The following CPXM1 variants were observed in gnomAD, a reference collection of about 807,000 sequenced individuals.
CPXM1 encodes probable carboxypeptidase X1.
A neutral mutation model predicts 80.4 loss-of-function variants in CPXM1; 72 were observed. The observed-to-expected ratio is 0.90, with a 90% confidence interval of 0.74 to 1.09. The LOEUF is 1.09. CPXM1 is among the 50% of genes least tolerant of loss of function. CPXM1 has a pLI of 0.00. For missense variants in CPXM1, 892 were observed against 999.4 expected, an observed-to-expected ratio of 0.89 and a Z score of 1.45; for synonymous variants, 403 against 405.6, an observed-to-expected ratio of 0.99 and a Z score of 0.08.
At chr20:2,797,483 A>C in intron 5 of CPXM1, 141 bp from the exon 6 acceptor site, 2 of 954,460 alleles carry the variant, frequency 2.1e-6, no homozygotes, top group Non-Finnish European at 3.0e-6. Flanking sequence ...TGCATCAAAC[A>C]CAGACCCCGG....
At position 2,795,596 on chromosome 20, in the gene CPXM1, T is replaced by TA. The variant is rs2088496616; in HGVS notation, c.1720+2dup. ...AGGGCTAACTCCACCCTCAGGCACA[T>TA]ACTCCCGGGGACCGTGTGCCAGTCA... is the stretch of plus-strand genomic sequence containing the variant. On this transcript the variant is annotated splice_region_variant and intron_variant, in intron 11 of 13. Transcript: ENST00000380605. This position sits in a 1 kb window ranked among gnomAD's most constrained non-coding sequence, Gnocchi z 5.4. The TA allele has an allele frequency of 1.2e-6, 2 of 1,611,664 alleles. No homozygotes were observed. The highest frequency in any genetic ancestry group is 1.7e-6 in the Non-Finnish European group (2 of 1,178,038).
chr20:2,795,397 G>A lies in CPXM1; in HGVS notation c.1740C>T (p.Tyr580=). ...TGACCTCAAAGCAGTTGGTGTGTAGGTAGCTGAAGTCATTCATGCCTAAGG... is the reference window on the plus strand; with the variant it reads ...TGACCTCAAAGCAGTTGGTGTGTAGATAGCTGAAGTCATTCATGCCTAAGG... ...TVPGSMNDFS[Y]LHTNCFEVTV... The change falls in exon 12 of 14, where the codon TAC becomes TAT. Residue 580 remains tyrosine (Y), a synonymous_variant. Coordinates refer to ENST00000380605, the MANE Select transcript of CPXM1 (RefSeq NM_019609.5). The surrounding 1 kb of genome is among the most constrained non-coding windows in gnomAD (Gnocchi z 5.4). 7 of 1,614,148 alleles carry A rather than the reference G, an allele frequency of 4.3e-6. No homozygotes were observed. The highest frequency in any genetic ancestry group is 5.9e-6 in the Non-Finnish European group (7 of 1,180,008).
chr20:2,795,261 G>A lies in CPXM1; in HGVS notation c.1860+16C>T, dbSNP rs151104845. On this transcript the variant is annotated intron_variant, in intron 12 of 13. Coordinates refer to ENST00000380605, the MANE Select transcript of CPXM1 (RefSeq NM_019609.5). This position sits in a 1 kb window ranked among gnomAD's most constrained non-coding sequence, Gnocchi z 5.4. ...GAGTGATTCAGGCAGGCTGGGGGCCGGGACGCAGATCCGACCTGCTCCAGG... is the reference window on the plus strand; with the variant it reads ...GAGTGATTCAGGCAGGCTGGGGGCCAGGACGCAGATCCGACCTGCTCCAGG... 932 of 1,610,954 alleles carry A rather than the reference G, an allele frequency of 5.8e-4. 4 individuals carry two copies. Among genetic ancestry groups the A allele is most frequent in the Middle Eastern group, 4.4e-3 (24 of 5,430 alleles).
In CPXM1 at chr20:2,796,413, A is replaced by T. The variant is rs1343753883; in HGVS notation, c.1076T>A (p.Met359Lys). 6.2e-7 allele frequency: 1 copy of T among 1,614,084 alleles called. No individual in the cohort carries two copies. The highest frequency in any genetic ancestry group is 1.7e-5 in the Admixed American group (1 of 60,022). ...GEPEVRYVAG[M>K]HGNEALGREL... ...CCGCCCCAGGGCCTCGTTCCCATGC[A>T]TGCCAGCCACGTAGCGCACCTCAGG... The change falls in exon 9 of 14, where the codon ATG becomes AAG. Residue 359 changes from methionine to lysine, a missense_variant. Around this residue, in one of 2 missense-constraint regions of CPXM1, gnomAD observed 874 missense variants for 958.4 expected, o/e 0.91. Transcript: ENST00000380605. This position sits in a 1 kb window ranked among gnomAD's most constrained non-coding sequence, Gnocchi z 6.8.
chr20:2,794,111 A>T lies in CPXM1; in HGVS notation c.*79T>A. ...TAGCTTTAATGAGCACCTTTTCCTC[A>T]CTTTGTCCCTCCCTCTCTACTCTTC... On this transcript the variant is annotated 3_prime_UTR_variant, in exon 14 of 14. Transcript: ENST00000380605. The surrounding 1 kb of genome is among the most constrained non-coding windows in gnomAD (Gnocchi z 5.2). 6.6e-7 allele frequency: 1 copy of T among 1,512,104 alleles called. No individual in the cohort carries two copies. Among genetic ancestry groups the T allele is most frequent in the Non-Finnish European group, 8.9e-7 (1 of 1,129,648 alleles). The allele number at this position is 1,512,104 out of a possible 1,614,324, so 93.7% of individuals were successfully genotyped here. A position where few individuals can be genotyped will look rare whatever the true frequency, so the allele number is the denominator to read the frequency against.
rs772034058 is a variant in CPXM1 at position 2,800,522 on chromosome 20, C to T, written c.51G>A (p.Pro17=). ...CCGAGTTCCTGGGCGCCCCCAGAGC[C>T]GGGCCGACGGCCGGCGCGAAGGCGG... ...ALAAFAPAVG[P]ALGAPRNSVL... is the part of the protein sequence containing the mutation. Residue 17 remains proline, a synonymous_variant, in exon 1 of 14, where the codon CCG becomes CCA. Coordinates refer to ENST00000380605, the MANE Select transcript of CPXM1 (RefSeq NM_019609.5). 7.3e-6 allele frequency: 10 copies of T among 1,361,244 alleles called. No homozygotes were observed. Among genetic ancestry groups the T allele is most frequent in the African/African-American group, 1.5e-5 (1 of 65,046 alleles). The allele number at this position is 1,361,244 out of a possible 1,614,324, so 84.3% of individuals were successfully genotyped here.
chr20:2,794,288 T>TG lies in CPXM1; in HGVS notation c.2106_2107insC (p.Thr703HisfsTer38). ...AGCTCGCGCAGCCTCTGTTTGGGAG[T>TG]CTTGGTGAGCACGAAATTGCAGGGG... On this transcript the variant is annotated frameshift_variant, in exon 14 of 14. Transcript: ENST00000380605. LOFTEE classifies it high-confidence loss of function. The surrounding 1 kb of genome is among the most constrained non-coding windows in gnomAD (Gnocchi z 5.2). 1 of 1,613,870 alleles carries TG rather than the reference T, an allele frequency of 6.2e-7. No individual in the cohort carries two copies. Among genetic ancestry groups the TG allele is most frequent in the South Asian group, 1.1e-5 (1 of 91,054 alleles).
chr20:2,797,426 G>T, intron 5 of CPXM1, 84 bp from the exon 6 acceptor site: 1 of 1,392,988 alleles, frequency 7.2e-7, no homozygotes, highest in Non-Finnish European at 9.4e-7. Flanking sequence ...AGGCCTCCAA[G>T]CTTACTGTCT....
In CPXM1 at chr20:2,798,211, G is replaced by C. The variant is rs149725071; in HGVS notation, c.531C>G (p.Asp177Glu). The change falls in exon 4 of 14, where the codon GAC (aspartate) becomes GAG (glutamate). Residue 177 changes from aspartate to glutamate, a missense_variant. Transcript: ENST00000380605. The part of the protein sequence containing the change: ...EQDADPWFQV[D>E]AGHPTRFSGV... ...CCGAGAAGCGGGTGGGGTGCCCAGC[G>C]TCCACCTGAAACCATGGATCGGCGT... The C allele has an allele frequency of 3.0e-5, 49 of 1,613,858 alleles. No individual in the cohort carries two copies. In the East Asian group the frequency reaches 5.8e-4, roughly 19 times the overall value.
In CPXM1 at chr20:2,795,743, C is replaced by T. The variant is rs766944887; in HGVS notation, c.1576G>A (p.Asp526Asn). ...GTGCTGAGCCAGCGAAACACAGCAT[C>T]ATCTGGTGTGGGCGTGAGCTCGCGG... ...AARELTPTPDDAVFRWLSTVY... is the reference protein window; with the variant it reads ...AARELTPTPDNAVFRWLSTVY... The change falls in exon 11 of 14, where the codon GAT becomes AAT. Residue 526 changes from aspartate to asparagine, a missense_variant. Physicochemically the swap from Asp to Asn is conservative, Grantham distance 23. Around this residue, in one of 2 missense-constraint regions of CPXM1, gnomAD observed 874 missense variants for 958.4 expected, o/e 0.91. Transcript: ENST00000380605. This position sits in a 1 kb window ranked among gnomAD's most constrained non-coding sequence, Gnocchi z 5.4. The T allele has an allele frequency of 1.6e-5, 26 of 1,613,774 alleles. No individual in the cohort carries two copies. The South Asian group carries it at 2.7e-4, about 17-fold the overall frequency.
rs11480908 is a variant in CPXM1 at position 2,794,779 on chromosome 20, G to GAAAA, written c.1861-144_1861-141dup. On this transcript the variant is annotated intron_variant, in intron 12 of 13. Coordinates refer to ENST00000380605, the MANE Select transcript of CPXM1 (RefSeq NM_019609.5). This position sits in a 1 kb window ranked among gnomAD's most constrained non-coding sequence, Gnocchi z 5.2. ...TTCCTAGGTGACACTACTTCTGGAA[G>GAAAA]AAAAAAAAAAAAGAAATCCTGATTG... 3 of 509,362 alleles carry GAAAA rather than the reference G, an allele frequency of 5.9e-6. No individual in the cohort carries two copies. The highest frequency in any genetic ancestry group is 2.0e-5 in the African/African-American group (1 of 49,240). 31.6% of individuals were successfully genotyped at this position (509,362 alleles called of 1,614,324 possible). A position where few individuals can be genotyped will look rare whatever the true frequency, so the allele number is the denominator to read the frequency against.
intron 1 of CPXM1, among the ~76,000 whole-genome samples, chr20:2,799,428 C>T (rs1047918042): frequency 6.6e-6 from 1 of 152,324 alleles, no homozygotes; most frequent in East Asian, 1.9e-4. Context: ...GAATCCATGT[C>T]TGCCTGGGTG....
At position 2,795,979 on chromosome 20, in the gene CPXM1, C is replaced by A; in HGVS notation, c.1422+3G>T. 1 of 1,604,532 alleles carries A rather than the reference C, an allele frequency of 6.2e-7. No homozygotes were observed. Among genetic ancestry groups the A allele is most frequent in the Non-Finnish European group, 8.5e-7 (1 of 1,174,224 alleles). On this transcript the variant is annotated splice_donor_region_variant and intron_variant, in intron 10 of 13. Transcript: ENST00000380605. This position sits in a 1 kb window ranked among gnomAD's most constrained non-coding sequence, Gnocchi z 5.4. ...CCTCCACTGCCGCCCTCAAAATACT[C>A]ACGGTGGCATTGGGCAGGGTGTAGT...
In CPXM1 at chr20:2,798,213, C is replaced by A; in HGVS notation, c.529G>T (p.Asp177Tyr). ...GAGAAGCGGGTGGGGTGCCCAGCGTCCACCTGAAACCATGGATCGGCGTCC... is the reference window on the plus strand; with the variant it reads ...GAGAAGCGGGTGGGGTGCCCAGCGTACACCTGAAACCATGGATCGGCGTCC... ...EQDADPWFQV[D>Y]AGHPTRFSGV... Residue 177 changes from aspartate to tyrosine, a missense_variant, in exon 4 of 14, where the codon GAC (aspartate) becomes TAC (tyrosine). Around this residue, in one of 2 missense-constraint regions of CPXM1, gnomAD observed 874 missense variants for 958.4 expected, o/e 0.91. Coordinates refer to ENST00000380605, the MANE Select transcript of CPXM1 (RefSeq NM_019609.5). The A allele has an allele frequency of 1.2e-6, 2 of 1,614,018 alleles. No individual in the cohort carries two copies. Among genetic ancestry groups the A allele is most frequent in the African/African-American group, 2.7e-5 (2 of 75,058 alleles).
In CPXM1 at chr20:2,796,266, T is replaced by TGG. The variant is rs1398277364; in HGVS notation, c.1222_1223insCC (p.Tyr408SerfsTer76). The TGG allele has an allele frequency of 6.2e-7, 1 of 1,613,790 alleles. No homozygotes were observed. Among genetic ancestry groups the TGG allele is most frequent in the Non-Finnish European group, 8.5e-7 (1 of 1,179,958 alleles). ...GCCTACCCGGTGGTAGGCGATCTCA[T>TGG]AGCCATCAGGGTTCATGGAGGGCAG... On this transcript the variant is annotated frameshift_variant, in exon 9 of 14. Coordinates refer to ENST00000380605, the MANE Select transcript of CPXM1 (RefSeq NM_019609.5). LOFTEE classifies it high-confidence loss of function. This position sits in a 1 kb window ranked among gnomAD's most constrained non-coding sequence, Gnocchi z 6.8.
chr20:2,800,468 G>T lies in CPXM1; in HGVS notation c.105C>A (p.Thr35=). 6.8e-7 allele frequency: 1 copy of T among 1,468,044 alleles called. No homozygotes were observed. Among genetic ancestry groups the T allele is most frequent in the South Asian group, 1.3e-5 (1 of 75,582 alleles). 90.9% of individuals were successfully genotyped at this position (1,468,044 alleles called of 1,614,324 possible). A position where few individuals can be genotyped will look rare whatever the true frequency, so the allele number is the denominator to read the frequency against. ...SVLGLAQPGT[T]KVPGSTPALH... ...GGGCCGGGGTCGAGCCTGGGACCTTGGTGGTCCCGGGCTGCGCGAGGCCCA... is the reference window on the plus strand; with the variant it reads ...GGGCCGGGGTCGAGCCTGGGACCTTTGTGGTCCCGGGCTGCGCGAGGCCCA... Residue 35 remains threonine, a synonymous_variant, in exon 1 of 14, where the codon ACC becomes ACA. Transcript: ENST00000380605.
chr20:2,800,347 G>T, intron 1 of CPXM1, 54 bp downstream of exon 1: 8 of 1,445,630 alleles, frequency 5.5e-6, no homozygotes, highest in African/African-American at 1.5e-5. Context: ...CCACGGGGCA[G>T]GAGAGCCGGG....
rs1332516522 is a variant in CPXM1 at position 2,795,200 on chromosome 20, AC to A, written c.1860+76del. On this transcript the variant is annotated intron_variant, in intron 12 of 13. Coordinates refer to ENST00000380605, the MANE Select transcript of CPXM1 (RefSeq NM_019609.5). The surrounding 1 kb of genome is among the most constrained non-coding windows in gnomAD (Gnocchi z 5.4). ...GAATGCTCAGCTGGACCTTAGAAGA[AC>A]CCCTGGTAGGAGCTGTAGCCTAAAT... The A allele has an allele frequency of 6.5e-7, 1 of 1,529,640 alleles. No individual in the cohort carries two copies. The highest frequency in any genetic ancestry group is 8.9e-7 in the Non-Finnish European group (1 of 1,124,000). 94.8% of individuals were successfully genotyped at this position (1,529,640 alleles called of 1,614,324 possible).
chr20:2,795,485 T>C lies in CPXM1; in HGVS notation c.1721-69A>G. On this transcript the variant is annotated intron_variant, in intron 11 of 13. Coordinates refer to ENST00000380605, the MANE Select transcript of CPXM1 (RefSeq NM_019609.5). The surrounding 1 kb of genome is among the most constrained non-coding windows in gnomAD (Gnocchi z 5.4). ...GTCCCATCCTCCCGCTACCCTCCCT[T>C]CTCTGAGGGACACTTCAGAGTGGGA... is the stretch of plus-strand genomic sequence containing the variant. 1 of 1,590,420 alleles carries C rather than the reference T, an allele frequency of 6.3e-7. No homozygotes were observed. Among genetic ancestry groups the C allele is most frequent in the Non-Finnish European group, 8.6e-7 (1 of 1,164,148 alleles).
Sources: gnomAD v4.1 joint callset for allele counts (sites outside exome capture counted in the v4.1 genomes callset) on GRCh38, gnomAD v4.1.1 for gene constraint, gnomAD v4.1.1 regional missense constraint, Gnocchi (gnomAD v3.1) non-coding constraint, MANE v1.5 for transcripts, NCBI Gene and HGNC (gene_info 2026-07-23, HGNC 2026-07-21) for gene names.